Variants in CFAP299 observed in about 807,000 individuals in gnomAD.
CFAP299 encodes cilia and flagella associated protein 299, also known as cilia- and flagella-associated protein 299.
In CFAP299, 21 loss-of-function variants were observed where a neutral mutation model predicts 27.0. The observed-to-expected ratio is 0.78, with a 90% CI of 0.55 to 1.12. CFAP299 has a LOEUF of 1.12. CFAP299 is among the 50% of genes most tolerant of loss of function. CFAP299 has a pLI of 0.00. For synonymous variants in CFAP299, 104 were observed against 98.1 expected, an observed-to-expected ratio of 1.06 and a Z score of -0.36; for missense variants, 310 against 276.6, an observed-to-expected ratio of 1.12 and a Z score of -0.86.
intron 3 of CFAP299, among the ~76,000 whole-genome samples, chr4:80,666,126 A>G (rs573831271): frequency 3.9e-5 from 6 of 152,278 alleles, no homozygotes. Context: ...ATTTACCTTA[A>G]TAGGATTATT....
intron 4 of CFAP299, among the ~76,000 whole-genome samples, chr4:80,938,004 T>C (rs1206826085): frequency 6.6e-6 from 1 of 152,230 alleles, no homozygotes; most frequent in Non-Finnish European, 1.5e-5. Flanking sequence ...CACAAACAAA[T>C]TCTACACTTT....
At chr4:80,765,598 G>A (rs1025621311) in intron 3 of CFAP299, among the ~76,000 whole-genome samples, 3 of 151,814 alleles carry the variant, frequency 2.0e-5, no homozygotes, top group African/African-American at 7.3e-5. Context: ...ATAATAAGAT[G>A]CTATAAAAAT....
chr4:80,441,138 A>T (rs1292785534), intron 2 of CFAP299, among the ~76,000 whole-genome samples: 1 of 152,232 alleles, frequency 6.6e-6, no homozygotes, highest in East Asian at 1.9e-4. Context: ...ACTTCAGGAT[A>T]TTATCCAGGA....
chr4:80,781,472 G>C lies in CFAP299; in HGVS notation c.334-88521G>C, dbSNP rs1036503978. Among the ~76,000 whole-genome samples the C allele has an allele frequency of 2.6e-5, 4 of 151,998 alleles. No individual in the cohort carries two copies. In the East Asian group the frequency reaches 7.7e-4, roughly 29 times the overall value. On this transcript the variant is annotated intron_variant, in intron 3 of 5. Transcript: ENST00000358105. ...TTATTTTTGTGACTTTATCCTAAAG[G>C]AATGGGTTTCATAAAAAGCAGAAGG... is the stretch of plus-strand genomic sequence containing the variant.
At chr4:80,873,290 A>G (rs926217620) in intron 4 of CFAP299, among the ~76,000 whole-genome samples, 3 of 152,142 alleles carry the variant, frequency 2.0e-5, no homozygotes, top group African/African-American at 7.2e-5. Context: ...CTATGCAGAG[A>G]CAAACATTTT....
chr4:80,487,456 C>G (rs945421529), intron 2 of CFAP299, among the ~76,000 whole-genome samples: 1 of 152,178 alleles, frequency 6.6e-6, no homozygotes, highest in Non-Finnish European at 1.5e-5. Flanking sequence ...TTGTTAGACT[C>G]TCCAAAAGGC....
chr4:80,369,217 A>C (rs1349794537), intron 2 of CFAP299, among the ~76,000 whole-genome samples: 1 of 152,234 alleles, frequency 6.6e-6, no homozygotes, highest in Non-Finnish European at 1.5e-5. Context: ...AAATTCCTTT[A>C]TACAAGGTAC....
intron 3 of CFAP299, among the ~76,000 whole-genome samples, chr4:80,762,793 C>T (rs1375400568): frequency 6.6e-6 from 1 of 152,082 alleles, no homozygotes; most frequent in East Asian, 1.9e-4. Flanking sequence ...CCCAGGGCAG[C>T]CAGCATCCAA....
intron 3 of CFAP299, among the ~76,000 whole-genome samples, chr4:80,842,200 T>C (rs773883208): frequency 7.2e-5 from 11 of 152,104 alleles, no homozygotes; most frequent in Non-Finnish European, 1.3e-4. Flanking sequence ...TATTCATGGG[T>C]TCCCAAGTTC....
rs1395433958 is a variant in CFAP299, at chr4:80,799,683, A to G, written c.334-70310A>G. 0.014 allele frequency among the ~76,000 whole-genome samples: 121 copies of G among 8,692 alleles called. 6 individuals carry two copies. In the South Asian group the frequency reaches 0.15, roughly 10 times the overall value. 5.7% of individuals were successfully genotyped at this position (8,692 alleles called of 152,430 possible). ...TTATATTTTATAAATATATATTTATAAATATATAATATATAAAATATATAT... is the reference window on the plus strand; with the variant it reads ...TTATATTTTATAAATATATATTTATGAATATATAATATATAAAATATATAT... On this transcript the variant is annotated intron_variant, in intron 3 of 5. Transcript: ENST00000358105.
At chr4:80,753,670 G>C (rs1378001187) in intron 3 of CFAP299, among the ~76,000 whole-genome samples, 2 of 152,016 alleles carry the variant, frequency 1.3e-5, no homozygotes, top group Non-Finnish European at 2.9e-5. Context: ...TGGATGCTTT[G>C]TTGTTTATTT....
At chr4:80,620,570 G>A (rs1394194551) in intron 3 of CFAP299, among the ~76,000 whole-genome samples, 2 of 152,068 alleles carry the variant, frequency 1.3e-5, no homozygotes, top group Admixed American at 6.6e-5. Context: ...GTTGCTTTAG[G>A]ATGATGGCTT....
At chr4:80,701,633 T>A (rs1369877795) in intron 3 of CFAP299, among the ~76,000 whole-genome samples, 1 of 151,942 alleles carries the variant, frequency 6.6e-6, no homozygotes, top group Non-Finnish European at 1.5e-5. Flanking sequence ...TTGAGTGTGG[T>A]TAATGGTGTA....
At chr4:80,827,957 G>T (rs1578161552) in intron 3 of CFAP299, among the ~76,000 whole-genome samples, 2 of 152,080 alleles carry the variant, frequency 1.3e-5, no homozygotes, top group South Asian at 2.1e-4. Context: ...ATAATAATAT[G>T]AAATAGAATA....
chr4:80,777,995 G>GA (rs1726653677), intron 3 of CFAP299, among the ~76,000 whole-genome samples: 1 of 151,974 alleles, frequency 6.6e-6, no homozygotes, highest in South Asian at 2.1e-4. Flanking sequence ...TTTAAAAAGA[G>GA]AAAAAAATTT....
chr4:80,409,729 C>T (rs1037150990), intron 2 of CFAP299, among the ~76,000 whole-genome samples: 6 of 152,124 alleles, frequency 3.9e-5, no homozygotes, highest in African/African-American at 1.4e-4. Flanking sequence ...TTATTTGAAG[C>T]ACCTGAAATC....
rs1183259911 is a variant in CFAP299, at chr4:80,503,281, ATATAT to A, written c.243-79807_243-79803del. On this transcript the variant is annotated intron_variant, in intron 2 of 5. Transcript: ENST00000358105. ...TGGTGTTTGGCACCTATTTTGGTACATATATTATAAGTGCATATTCAAGACTCTGA... is the reference window on the plus strand; with the variant it reads ...TGGTGTTTGGCACCTATTTTGGTACATATAAGTGCATATTCAAGACTCTGA... 3.3e-5 allele frequency among the ~76,000 whole-genome samples: 5 copies of A among 152,150 alleles called. No homozygotes were observed. In the East Asian group the frequency reaches 7.7e-4, roughly 24 times the overall value.
intron 3 of CFAP299, among the ~76,000 whole-genome samples, chr4:80,826,335 A>C (rs1007147775): frequency 1.3e-5 from 2 of 151,922 alleles, no homozygotes; most frequent in Admixed American, 1.3e-4. Context: ...CTTATAGACA[A>C]CAATTATCAA....
At chr4:80,335,965 T>G (rs1722118964) in intron 1 of CFAP299, 86 bp downstream of exon 1, 2 of 870,062 alleles carry the variant, frequency 2.3e-6, no homozygotes. Flanking sequence ...GGTCGCCCCC[T>G]GGCGCTGGAC....
Sources: allele counts gnomAD v4.1 joint callset (sites outside exome capture counted in the v4.1 genomes callset), GRCh38; gene constraint gnomAD v4.1.1; transcripts MANE v1.5; gene names NCBI Gene and HGNC (gene_info 2026-07-23, HGNC 2026-07-21).